The following PVT1 variants were observed in gnomAD, a reference collection of about 807,000 sequenced individuals.
PVT1 encodes Pvt1 oncogene, also known as CXCR4/PVT1 fusion.
intron 2 of PVT1, chr8:127,851,903 A>T (rs1332759090): frequency 6.6e-6 from 1 of 152,346 alleles, no homozygotes; most frequent in Non-Finnish European, 1.5e-5. Flanking sequence ...TTGCCACGCC[A>T]TGCTCACAGT....
chr8:127,897,840 A>G (rs916174462), intron 3 of PVT1, among the ~76,000 whole-genome samples: 1 of 147,070 alleles, frequency 6.8e-6, no homozygotes, highest in African/African-American at 2.5e-5. Flanking sequence ...AAAGAAAGAA[A>G]GAAAGAAAAG....
intron 5 of PVT1, among the ~76,000 whole-genome samples, chr8:128,074,281 T>C (rs1008501192): frequency 6.6e-6 from 1 of 151,806 alleles, no homozygotes; most frequent in African/African-American, 2.4e-5. Context: ...CCAAGATGGG[T>C]GGATCACAAG....
At chr8:127,844,838 C>T (rs1220788190) in intron 2 of PVT1, among the ~76,000 whole-genome samples, 6 of 152,072 alleles carry the variant, frequency 3.9e-5, no homozygotes, top group African/African-American at 7.2e-5. Flanking sequence ...CTCAGCCTCC[C>T]GAGTAGCTGG....
chr8:127,913,255 G>A (rs576078329), intron 3 of PVT1, among the ~76,000 whole-genome samples: 3 of 152,252 alleles, frequency 2.0e-5, no homozygotes, highest in African/African-American at 4.8e-5. Context: ...TGGAGTGAGC[G>A]GTTTCCACAG....
chr8:128,027,412 G>A (rs888312976), intron 4 of PVT1, among the ~76,000 whole-genome samples: 2 of 152,172 alleles, frequency 1.3e-5, no homozygotes, highest in Non-Finnish European at 1.5e-5. Flanking sequence ...AACTTGGGTG[G>A]GGACAGGCAT....
At position 128,026,316 on chromosome 8, in the gene PVT1, A is replaced by AT. The variant is rs10709365; in HGVS notation, n.912+37036dup. Among the ~76,000 whole-genome samples the AT allele has an allele frequency of 1.7e-3, 246 of 147,746 alleles. 4 individuals are homozygous for AT. In the East Asian group the frequency reaches 0.019, roughly 11 times the overall value. On this transcript the variant is annotated intron_variant and non_coding_transcript_variant, in intron 4 of 10. Transcript: ENST00000651587. ...GAAGACTTTTTATTTTTTTATTTGT[A>AT]TTTTTTTTTTTATTCAAAGGGCTTG...
chr8:128,079,552 T>C (rs949311482), intron 5 of PVT1, among the ~76,000 whole-genome samples: 2 of 152,204 alleles, frequency 1.3e-5, no homozygotes, highest in African/African-American at 4.8e-5. Context: ...GTTGTGTACC[T>C]ACCATTATAA....
intron 2 of PVT1, among the ~76,000 whole-genome samples, chr8:127,815,629 T>TGGG: frequency 6.6e-6 from 1 of 152,126 alleles, no homozygotes; most frequent in Non-Finnish European, 1.5e-5. Flanking sequence ...TGGCAGAAAT[T>TGGG]CATCAGGGGC....
At chr8:128,036,948 C>A (rs1196075289) in intron 4 of PVT1, among the ~76,000 whole-genome samples, 1 of 152,208 alleles carries the variant, frequency 6.6e-6, no homozygotes, top group Non-Finnish European at 1.5e-5. Context: ...AGCCTCCAGG[C>A]CCACCATGGG....
At chr8:127,985,778 A>G (rs185499631) in intron 3 of PVT1, among the ~76,000 whole-genome samples, 1 of 152,276 alleles carries the variant, frequency 6.6e-6, no homozygotes, top group East Asian at 1.9e-4. Flanking sequence ...CAGCTCTTGC[A>G]GGTACCATAG....
chr8:127,980,815 T>G (rs1453527178), intron 3 of PVT1, among the ~76,000 whole-genome samples: 7 of 147,158 alleles, frequency 4.8e-5, no homozygotes. Context: ...TTTTTTTGTT[T>G]GAGACAGAGT....
chr8:127,979,845 T>C (rs915277928), intron 3 of PVT1, among the ~76,000 whole-genome samples: 3 of 146,210 alleles, frequency 2.1e-5, no homozygotes, highest in African/African-American at 7.3e-5. Context: ...AGAAGAAGCC[T>C]GGATGGAGAA....
At chr8:128,023,242 G>C (rs1030923987) in intron 4 of PVT1, among the ~76,000 whole-genome samples, 6 of 152,062 alleles carry the variant, frequency 3.9e-5, no homozygotes, top group African/African-American at 1.2e-4. Flanking sequence ...GAGATTTCAG[G>C]GCTAGTCACT....
chr8:128,045,811 C>T (rs776486272), intron 4 of PVT1, among the ~76,000 whole-genome samples: 4 of 152,182 alleles, frequency 2.6e-5, no homozygotes, highest in Non-Finnish European at 4.4e-5. Flanking sequence ...GTTTTCCTTT[C>T]CTGTTGGATT....
chr8:127,916,175 C>T (rs778719667), intron 3 of PVT1, among the ~76,000 whole-genome samples: 7 of 152,220 alleles, frequency 4.6e-5, no homozygotes, highest in Non-Finnish European at 1.0e-4. Context: ...CATGAGAACA[C>T]TTATCTGATG....
chr8:127,889,542 T>A (rs1815573940), intron 2 of PVT1, among the ~76,000 whole-genome samples: 1 of 151,650 alleles, frequency 6.6e-6, no homozygotes, highest in Admixed American at 6.6e-5. Context: ...CGGTTAACAA[T>A]AATCTACAAC....
At chr8:127,904,611 C>T (rs556136025) in intron 3 of PVT1, among the ~76,000 whole-genome samples, 1 of 152,264 alleles carries the variant, frequency 6.6e-6, no homozygotes, top group East Asian at 1.9e-4. Context: ...CAAACCGTGG[C>T]CCTCCGTTAG....
chr8:127,942,422 A>G (rs1278587865), intron 3 of PVT1, among the ~76,000 whole-genome samples: 3 of 152,196 alleles, frequency 2.0e-5, no homozygotes, highest in Non-Finnish European at 2.9e-5. Context: ...CCTGCAGGCA[A>G]CTACACAGCC....
chr8:127,944,712 T>A (rs970314479), intron 3 of PVT1, among the ~76,000 whole-genome samples: 5 of 152,136 alleles, frequency 3.3e-5, no homozygotes, highest in African/African-American at 1.2e-4. Flanking sequence ...AGCGTGGCCA[T>A]ATGGCTGGCA....
Sources: allele counts gnomAD v4.1 joint callset (sites outside exome capture counted in the v4.1 genomes callset), GRCh38; gene constraint gnomAD v4.1.1; transcripts MANE v1.5; gene names NCBI Gene and HGNC (gene_info 2026-07-23, HGNC 2026-07-21).